The following AUH variants were observed in gnomAD, a reference collection of about 807,000 sequenced individuals.
AUH encodes the protein methylglutaconyl-CoA hydratase, mitochondrial.
Under a neutral mutation model 42.3 loss-of-function variants are expected in AUH, and 29 were observed. The ratio of observed to expected loss-of-function variants is 0.69; its 90% CI spans 0.51 to 0.93. The LOEUF (loss-of-function observed/expected upper bound fraction) is 0.93. Among genes scored for constraint, AUH ranks in the 40% least tolerant of loss-of-function variants. AUH has a pLI of 0.00. For missense variants in AUH, 452 were observed against 438.1 expected (o/e 1.03, Z -0.28); for synonymous variants, 174 against 166.4 (o/e 1.05, Z -0.35).
chr9:91,333,282 T>C (rs116337424), intron 3 of AUH, among the ~76,000 whole-genome samples: 1 of 151,336 alleles, frequency 6.6e-6, no homozygotes, highest in African/African-American at 2.4e-5. Flanking sequence ...TGCTTTCAAT[T>C]TTTTTTTTCC....
intron 6 of AUH, among the ~76,000 whole-genome samples, chr9:91,255,780 G>A (rs936864228): frequency 3.3e-5 from 5 of 151,944 alleles, no homozygotes; most frequent in Middle Eastern, 3.2e-3. Flanking sequence ...TGCTAACTTG[G>A]TACACAGCAA....
At chr9:91,221,463 A>ATTT (rs1827132558) in intron 6 of AUH, among the ~76,000 whole-genome samples, 1 of 152,246 alleles carries the variant, frequency 6.6e-6, no homozygotes, top group South Asian at 2.1e-4. Flanking sequence ...TACATTGTAA[A>ATTT]CACATTTTAA....
intron 6 of AUH, among the ~76,000 whole-genome samples, chr9:91,257,660 T>C (rs565696156): frequency 3.3e-5 from 5 of 152,234 alleles, no homozygotes; most frequent in African/African-American, 4.8e-5. Flanking sequence ...GTTATGTCTG[T>C]TCTCACACTA....
chr9:91,233,811 G>A (rs532325250), intron 6 of AUH, among the ~76,000 whole-genome samples: 8 of 152,274 alleles, frequency 5.3e-5, no homozygotes, highest in Admixed American at 4.6e-4. Flanking sequence ...CTTCATGTAA[G>A]GTTGTGGTTT....
At chr9:91,281,862 G>A (rs955046926) in intron 6 of AUH, among the ~76,000 whole-genome samples, 2 of 152,024 alleles carry the variant, frequency 1.3e-5, no homozygotes, top group African/African-American at 4.8e-5. Context: ...CAACAGGCTC[G>A]TGGCAGGAAT....
chr9:91,262,177 A>G (rs1829739220), intron 6 of AUH, among the ~76,000 whole-genome samples: 1 of 152,230 alleles, frequency 6.6e-6, no homozygotes, highest in Non-Finnish European at 1.5e-5. Flanking sequence ...TCATCAAGAT[A>G]AATTCGAGTT....
At chr9:91,360,446 A>G (rs150667528) in intron 1 of AUH, 6 of 152,346 alleles carry the variant, frequency 3.9e-5, no homozygotes, top group Admixed American at 2.0e-4. Context: ...TCTGTCTGGA[A>G]TAATAAGTAA....
At chr9:91,357,539 A>G (rs971778927) in intron 1 of AUH, 9 of 926,760 alleles carry the variant, frequency 9.7e-6, no homozygotes, top group Middle Eastern at 5.5e-4. Context: ...AAACATTAAT[A>G]ATCATAGAAA....
At chr9:91,237,338 T>G (rs990126713) in intron 6 of AUH, among the ~76,000 whole-genome samples, 3 of 152,316 alleles carry the variant, frequency 2.0e-5, no homozygotes, top group Non-Finnish European at 4.4e-5. Flanking sequence ...TCAAATGAAT[T>G]TCTTTCGTTG....
intron 6 of AUH, among the ~76,000 whole-genome samples, chr9:91,240,006 A>G (rs1421673761): frequency 6.6e-6 from 1 of 152,196 alleles, no homozygotes; most frequent in East Asian, 1.9e-4. Flanking sequence ...TTTATTATAG[A>G]AAGCTTTTTC....
intron 6 of AUH, among the ~76,000 whole-genome samples, chr9:91,271,047 A>C (rs140281846): frequency 1.1e-4 from 16 of 152,348 alleles, no homozygotes; most frequent in African/African-American, 3.6e-4. Flanking sequence ...TATTAGAAAC[A>C]TGTTTCAAAA....
At chr9:91,338,085 T>C (rs1830822386) in intron 3 of AUH, among the ~76,000 whole-genome samples, 1 of 152,238 alleles carries the variant, frequency 6.6e-6, no homozygotes, top group Non-Finnish European at 1.5e-5. Context: ...AGTAAAATTT[T>C]ACCTGCCCAT....
At chr9:91,259,707 T>C (rs975323193) in intron 6 of AUH, among the ~76,000 whole-genome samples, 1 of 152,184 alleles carries the variant, frequency 6.6e-6, no homozygotes, top group Non-Finnish European at 1.5e-5. Context: ...TAGAAGTATA[T>C]TCTTTTATTT....
chr9:91,303,795 T>C (rs895921208), intron 4 of AUH, among the ~76,000 whole-genome samples: 1 of 152,238 alleles, frequency 6.6e-6, no homozygotes, highest in African/African-American at 2.4e-5. Context: ...AAAATTACAA[T>C]AAATACCTAA....
chr9:91,225,804 T>C (rs143291722), intron 6 of AUH, among the ~76,000 whole-genome samples: 3,747 of 151,524 alleles, frequency 0.025, 73 homozygotes, highest in East Asian at 0.057. Context: ...TATGCGGTGT[T>C]TGGTTTTTTG....
At chr9:91,325,559 C>T (rs1191454777) in intron 3 of AUH, among the ~76,000 whole-genome samples, 155 bp from the exon 4 acceptor site, 2 of 152,112 alleles carry the variant, frequency 1.3e-5, no homozygotes, top group African/African-American at 4.8e-5. Flanking sequence ...TCCCAATGAC[C>T]ATGTTCAACA....
intron 6 of AUH, among the ~76,000 whole-genome samples, chr9:91,243,733 T>G (rs562014849): frequency 6.6e-6 from 1 of 152,126 alleles, no homozygotes; most frequent in African/African-American, 2.4e-5. Context: ...TCAGCCCGGG[T>G]GGAGCAGCCC....
At chr9:91,247,629 C>T (rs867581954) in intron 6 of AUH, among the ~76,000 whole-genome samples, 10 of 152,176 alleles carry the variant, frequency 6.6e-5, no homozygotes, top group African/African-American at 2.4e-4. Flanking sequence ...AATTAGTGAC[C>T]AATAATGCTA....
intron 1 of AUH, among the ~76,000 whole-genome samples, chr9:91,356,959 T>G (rs1832456007): frequency 6.6e-6 from 1 of 152,236 alleles, no homozygotes; most frequent in Admixed American, 6.5e-5. Flanking sequence ...AGGGTGGGTA[T>G]GTTTCTTATT....
Sources: allele counts gnomAD v4.1 joint callset (sites outside exome capture counted in the v4.1 genomes callset), GRCh38; gene constraint gnomAD v4.1.1; transcripts MANE v1.5; gene names NCBI Gene and HGNC (gene_info 2026-07-23, HGNC 2026-07-21).